Variants in CHODL observed in about 807,000 individuals in gnomAD.
CHODL encodes the protein transmembrane protein MT75.
A neutral mutation model predicts 34.5 loss-of-function variants in CHODL; 29 were observed. The ratio of observed to expected loss-of-function variants is 0.84; its 90% CI spans 0.63 to 1.15. The LOEUF is 1.15. CHODL is among the 50% of genes most tolerant of loss of function. The pLI, the probability that CHODL is intolerant of heterozygous loss-of-function variation, is 0.00. For synonymous variants in CHODL, 125 were observed against 116.1 expected, an observed-to-expected ratio of 1.08 and a Z score of -0.49; for missense variants, 332 against 332.5, an observed-to-expected ratio of 1.00 and a Z score of 0.01.
chr21:18,065,321 C>T (rs183142421), intron 2 of CHODL, among the ~76,000 whole-genome samples: 97 of 152,248 alleles, frequency 6.4e-4, no homozygotes, highest in African/African-American at 2.2e-3. Flanking sequence ...TATCTCTAAA[C>T]CCTAACAGAC....
chr21:17,953,066 A>T (rs1208420276), intron 1 of CHODL, among the ~76,000 whole-genome samples: 2 of 152,182 alleles, frequency 1.3e-5, no homozygotes, highest in Non-Finnish European at 2.9e-5. Context: ...TTACAATTTG[A>T]GATGAGATTT....
chr21:18,072,743 C>T (rs1490537933), intron 2 of CHODL, among the ~76,000 whole-genome samples: 1 of 152,008 alleles, frequency 6.6e-6, no homozygotes, highest in Non-Finnish European at 1.5e-5. Context: ...AGAACATAAC[C>T]TTGGCAGATG....
At chr21:18,013,652 T>TTTTTTTTTTTTTTTTTA (rs71189577) in intron 1 of CHODL, among the ~76,000 whole-genome samples, 1 of 141,426 alleles carries the variant, frequency 7.1e-6, no homozygotes, top group Non-Finnish European at 1.5e-5. Context: ...TTTTTTTTTT[T>TTTTTTTTTTTTTTTTTA]GAGACAGAGT....
At chr21:17,982,684 C>G (rs959691910) in intron 1 of CHODL, among the ~76,000 whole-genome samples, 8 of 147,988 alleles carry the variant, frequency 5.4e-5, no homozygotes, top group Admixed American at 6.8e-5. Flanking sequence ...TAAAAATCCC[C>G]TTATATATAT....
intron 2 of CHODL, among the ~76,000 whole-genome samples, chr21:18,175,558 A>T (rs2073296765): frequency 6.6e-6 from 1 of 151,114 alleles, no homozygotes; most frequent in Non-Finnish European, 1.5e-5. Flanking sequence ...GCGCCATTGC[A>T]CTCCAGCCCG....
At chr21:17,966,079 G>A (rs2063570123) in intron 1 of CHODL, among the ~76,000 whole-genome samples, 1 of 151,846 alleles carries the variant, frequency 6.6e-6, no homozygotes, top group Non-Finnish European at 1.5e-5. Context: ...ATCCACCTCT[G>A]CATATGCAGA....
rs141003849 is a variant in CHODL at position 18,213,400 on chromosome 21, C to G, written c.-44-43109C>G. On this transcript the variant is annotated intron_variant, in intron 2 of 6. Coordinates refer to the CHODL transcript ENST00000400127. ...AACATTTTCTCTTATTTAGTATACA[C>G]CAACTAAACAACCGAATGCTATTAT... Among the ~76,000 whole-genome samples the G allele has an allele frequency of 4.4e-3, 675 of 152,152 alleles. 9 individuals are homozygous for G. Among genetic ancestry groups the G allele is most frequent in the African/African-American group, 0.016 (645 of 41,534 alleles).
intron 2 of CHODL, among the ~76,000 whole-genome samples, chr21:18,185,583 G>C (rs148377165): frequency 6.6e-6 from 1 of 152,260 alleles, no homozygotes; most frequent in East Asian, 1.9e-4. Context: ...GTGGTGGCTT[G>C]TGTGAGTCAG....
chr21:18,173,389 T>C lies in CHODL; in HGVS notation c.-44-83120T>C, dbSNP rs370087404. On this transcript the variant is annotated intron_variant, in intron 2 of 6. Transcript: ENST00000400127. ...GTCATAGCATCCTGTCTACCTCCTA[T>C]AGTAAATTATAAGAAGTTTTTATTT... Among the ~76,000 whole-genome samples, 100 of 152,328 alleles carry C rather than the reference T, an allele frequency of 6.6e-4. 1 individual carries two copies. The South Asian group carries it at 0.019, about 29-fold the overall frequency.
intron 1 of CHODL, among the ~76,000 whole-genome samples, chr21:17,919,229 T>G (rs374397476): frequency 6.6e-6 from 1 of 152,328 alleles, no homozygotes; most frequent in African/African-American, 2.4e-5. Context: ...ATAGGGACTC[T>G]GTGTTGGAGC....
At chr21:17,997,299 C>G (rs1252495727) in intron 1 of CHODL, among the ~76,000 whole-genome samples, 1 of 152,148 alleles carries the variant, frequency 6.6e-6, no homozygotes, top group Non-Finnish European at 1.5e-5. Flanking sequence ...AGGGCATGGC[C>G]AGCTTTCCTT....
At chr21:18,105,912 G>C (rs1185114537) in intron 2 of CHODL, among the ~76,000 whole-genome samples, 1 of 152,124 alleles carries the variant, frequency 6.6e-6, no homozygotes, top group Non-Finnish European at 1.5e-5. Flanking sequence ...CTTTAAGCCA[G>C]AGACAGTGAA....
intron 2 of CHODL, among the ~76,000 whole-genome samples, chr21:18,057,518 TCATAGTTTA>T (rs1418230382): frequency 6.6e-6 from 1 of 152,034 alleles, no homozygotes; most frequent in Non-Finnish European, 1.5e-5. Context: ...CACCCAGAGT[TCATAGTTTA>T]CATAGGGTTC....
In CHODL at chr21:18,265,940, C is replaced by T. The variant is rs1450645494; in HGVS notation, c.738-14C>T. ...AAATTTTAGGCACTAAACATTTTTT[C>T]TTATGTTTTTCAGTAAAGGAAGAAC... On this transcript the variant is annotated splice_polypyrimidine_tract_variant and intron_variant, in intron 5 of 5. Transcript: ENST00000299295. The T allele has an allele frequency of 2.5e-6, 4 of 1,601,990 alleles. No homozygotes were observed. Among genetic ancestry groups the T allele is most frequent in the Admixed American group, 3.5e-5 (2 of 57,890 alleles).
chr21:17,943,253 A>C (rs1281055207), intron 1 of CHODL, among the ~76,000 whole-genome samples: 3 of 152,178 alleles, frequency 2.0e-5, no homozygotes, highest in Non-Finnish European at 4.4e-5. Context: ...GCATAAAAGA[A>C]TAATTTAGGT....
At chr21:17,989,509 T>A (rs1423059133) in intron 1 of CHODL, among the ~76,000 whole-genome samples, 2 of 152,170 alleles carry the variant, frequency 1.3e-5, no homozygotes, top group Non-Finnish European at 2.9e-5. Flanking sequence ...GAAGAAGATT[T>A]ATATTAGAGT....
chr21:18,199,685 C>A (rs1372498977), intron 2 of CHODL, among the ~76,000 whole-genome samples: 1 of 152,112 alleles, frequency 6.6e-6, no homozygotes, highest in Non-Finnish European at 1.5e-5. Flanking sequence ...TTGTCTATTA[C>A]ATAATGTCAT....
At position 17,955,338 on chromosome 21, in the gene CHODL, G is replaced by C. The variant is rs779773006; in HGVS notation, c.-145+37938G>C. ...TCTTAATCTCCTATTGTCCATTTCT[G>C]AAAAAGTTTTCCTGAGAAAAACCCT... is the stretch of plus-strand genomic sequence containing the variant. On this transcript the variant is annotated intron_variant, in intron 1 of 6. Coordinates refer to the CHODL transcript ENST00000400127. Among the ~76,000 whole-genome samples the C allele has an allele frequency of 5.8e-5, 8 of 137,104 alleles. 1 individual carries two copies. The highest frequency in any genetic ancestry group is 1.2e-4 in the Non-Finnish European group (7 of 60,312). 89.9% of individuals were successfully genotyped at this position (137,104 alleles called of 152,430 possible).
At chr21:17,938,773 C>T (rs185003564) in intron 1 of CHODL, among the ~76,000 whole-genome samples, 46 of 152,016 alleles carry the variant, frequency 3.0e-4, no homozygotes, top group East Asian at 1.7e-3. Flanking sequence ...CCACGGCGCC[C>T]GGCCGAAACC....
Sources: gnomAD v4.1 joint callset for allele counts (sites outside exome capture counted in the v4.1 genomes callset) on GRCh38, gnomAD v4.1.1 for gene constraint, MANE v1.5 for transcripts, NCBI Gene and HGNC (gene_info 2026-07-23, HGNC 2026-07-21) for gene names.